Variants in ADGRG2 observed in about 807,000 individuals in gnomAD.
ADGRG2 encodes the protein G protein-coupled receptor 64.
Under a neutral mutation model 74.1 loss-of-function variants are expected in ADGRG2, and 26 were observed. The observed-to-expected ratio is 0.35, with a 90% CI of 0.26 to 0.49. The LOEUF (loss-of-function observed/expected upper bound fraction) is 0.49, where lower values mean the gene tolerates loss of function less well. ADGRG2 is among the 20% of genes least tolerant of loss of function. The pLI is 0.99. For synonymous variants in ADGRG2, 296 were observed against 295.2 expected, an observed-to-expected ratio of 1.00 and a Z score of -0.03; for missense variants, 619 against 763.1, an observed-to-expected ratio of 0.81 and a Z score of 2.22.
chrX:19,094,801 T>C (rs2062068964), intron 1 of ADGRG2, among the ~76,000 whole-genome samples: 1 of 112,409 alleles, frequency 8.9e-6, no homozygotes, highest in Non-Finnish European at 1.9e-5. Flanking sequence ...TACGGTAGGG[T>C]GGAGGGAGCC....
rs184047621 is a variant in ADGRG2, at chrX:19,006,852, G to A, written c.1689+383C>T. Among the ~76,000 whole-genome samples, 13 of 102,301 alleles carry A rather than the reference G, an allele frequency of 1.3e-4. No individual in the cohort carries two copies. In the East Asian group the frequency reaches 3.1e-3, roughly 24 times the overall value. 88.8% of individuals were successfully genotyped at this position (102,301 alleles called of 115,157 possible). On this transcript the variant is annotated intron_variant, in intron 20 of 28. Coordinates refer to ENST00000379869, the MANE Select transcript of ADGRG2 (RefSeq NM_001079858.3). ...TAGCTCACTGCAGCCTTGAGCTCCC[G>A]GGCTCGTGATCCTCCCGCCTCAGCC...
chrX:19,028,249 A>C lies in ADGRG2; in HGVS notation c.359-11T>G. 1.1e-6 allele frequency: 1 copy of C among 889,071 alleles called. No individual in the cohort carries two copies. The allele number at this position is 889,071 out of a possible 1,213,427, so 73.3% of individuals were successfully genotyped here. On this transcript the variant is annotated splice_polypyrimidine_tract_variant and intron_variant, in intron 9 of 28. Transcript: ENST00000379869. ...CACCTCTAAAAAATGCTAAAAATAA[A>C]TTTTCAAAAAGATATTTGAGACTTG... is the stretch of plus-strand genomic sequence containing the variant.
chrX:19,117,013 C>T (rs1205942672), intron 1 of ADGRG2, among the ~76,000 whole-genome samples: 3 of 111,883 alleles, frequency 2.7e-5, no homozygotes, highest in Non-Finnish European at 5.6e-5. Flanking sequence ...AAAATGTGGC[C>T]AGGCGTGATG....
chrX:18,998,008 T>C (rs1368455730), intron 26 of ADGRG2, among the ~76,000 whole-genome samples: 1 of 112,684 alleles, frequency 8.9e-6, no homozygotes, highest in Non-Finnish European at 1.9e-5. Flanking sequence ...ATAACACTGC[T>C]CTAAAAGAAT....
At chrX:19,046,467 T>C (rs975736228) in intron 3 of ADGRG2, among the ~76,000 whole-genome samples, 1 of 112,542 alleles carries the variant, frequency 8.9e-6, no homozygotes, top group South Asian at 3.6e-4. Flanking sequence ...TGCTTGATGC[T>C]TTATTTATTA....
chrX:19,021,179 T>C lies in ADGRG2; in HGVS notation c.568A>G (p.Thr190Ala). 2 of 1,046,574 alleles carry C rather than the reference T, an allele frequency of 1.9e-6. No homozygotes were observed. The highest frequency in any genetic ancestry group is 3.8e-5 in the South Asian group (2 of 52,601). The allele number at this position is 1,046,574 out of a possible 1,213,427, so 86.2% of individuals were successfully genotyped here. A position where few individuals can be genotyped will look rare whatever the true frequency, so the allele number is the denominator to read the frequency against. ...EAQSTLNCTF[T>A]IKLNNTMNAC... The stretch of plus-strand genomic sequence containing the variant: ...TTCATTGTATTATTCAGTTTTATTG[T>C]GAATGTACAATTTAATGTGCTGTAA... Residue 190 changes from threonine to alanine, a missense_variant, in exon 14 of 29, where the codon ACA (threonine) becomes GCA (alanine). Thr to Ala is a moderately conservative substitution (Grantham distance 58). Coordinates refer to ENST00000379869, the MANE Select transcript of ADGRG2 (RefSeq NM_001079858.3).
intron 1 of ADGRG2, among the ~76,000 whole-genome samples, chrX:19,105,480 C>A (rs2062267416): frequency 9.0e-6 from 1 of 110,654 alleles, no homozygotes; most frequent in Non-Finnish European, 1.9e-5. Context: ...AACACAAGAA[C>A]AGAAAACCAA....
At chrX:19,012,132 AC>A (rs2060369088) in intron 16 of ADGRG2, among the ~76,000 whole-genome samples, 1 of 112,526 alleles carries the variant, frequency 8.9e-6, no homozygotes, top group Non-Finnish European at 1.9e-5. Flanking sequence ...CTAATGACTT[AC>A]ATGGTCGCAT....
chrX:19,119,227 A>C (rs1569158159), intron 1 of ADGRG2, among the ~76,000 whole-genome samples: 1 of 112,203 alleles, frequency 8.9e-6, no homozygotes, highest in African/African-American at 3.2e-5. Flanking sequence ...TAGACTGAAG[A>C]ATCCATTAAA....
chrX:19,010,864 C>T, intron 16 of ADGRG2, 86 bp from the exon 17 acceptor site: 2 of 620,296 alleles, frequency 3.2e-6, no homozygotes, highest in Non-Finnish European at 4.9e-6. Context: ...TGTGATATGG[C>T]AAACTCACTC....
At chrX:19,105,566 C>T (rs1805708571) in intron 1 of ADGRG2, among the ~76,000 whole-genome samples, 1 of 109,471 alleles carries the variant, frequency 9.1e-6, no homozygotes, top group Non-Finnish European at 1.9e-5. Context: ...ACATCACACA[C>T]GGGGGCCTGT....
chrX:19,068,578 A>C, intron 3 of ADGRG2, 139 bp downstream of exon 3: 1 of 366,572 alleles, frequency 2.7e-6, no homozygotes, highest in Non-Finnish European at 4.8e-6. Flanking sequence ...ACTTAATGCC[A>C]ATGAACTGTA....
chrX:19,117,843 C>G (rs148068352), intron 1 of ADGRG2, among the ~76,000 whole-genome samples: 1,223 of 109,890 alleles, frequency 0.011, 20 homozygotes, highest in African/African-American at 0.038. Flanking sequence ...AATGAATTGA[C>G]TTAATGCTAC....
intron 9 of ADGRG2, among the ~76,000 whole-genome samples, chrX:19,029,774 C>T (rs2146684065): frequency 9.1e-6 from 1 of 110,007 alleles, no homozygotes; most frequent in Admixed American, 9.7e-5. Context: ...ACATTAGTCA[C>T]CAGCCCAAAA....
At chrX:19,122,306 C>T (rs1475938333) in intron 1 of ADGRG2, 136 bp downstream of exon 1, 1 of 112,316 alleles carries the variant, frequency 8.9e-6, no homozygotes, top group Admixed American at 9.3e-5. Flanking sequence ...AAGGCGCGTT[C>T]GTCCCGCCGG....
At chrX:19,102,248 A>G (rs1293508230) in intron 1 of ADGRG2, among the ~76,000 whole-genome samples, 1 of 110,087 alleles carries the variant, frequency 9.1e-6, no homozygotes, top group Non-Finnish European at 1.9e-5. Flanking sequence ...TGTCTTTCAC[A>G]TCACTCATAG....
intron 18 of ADGRG2, among the ~76,000 whole-genome samples, chrX:19,008,751 T>G (rs774886047): frequency 2.7e-5 from 3 of 111,210 alleles, no homozygotes; most frequent in Non-Finnish European, 3.8e-5. Context: ...AAAGAAATAG[T>G]TGAAAAGTGC....
chrX:19,060,681 A>G (rs1214520929), intron 3 of ADGRG2, among the ~76,000 whole-genome samples: 9 of 109,542 alleles, frequency 8.2e-5, no homozygotes, highest in Non-Finnish European at 1.1e-4. Context: ...CTGAATAGCT[A>G]GGATTACAGG....
intron 2 of ADGRG2, among the ~76,000 whole-genome samples, chrX:19,077,205 AAAC>A (rs1448886570): frequency 9.0e-6 from 1 of 110,932 alleles, no homozygotes; most frequent in Non-Finnish European, 1.9e-5. Context: ...AAAGATTTAA[AAAC>A]AAATGCAGGC....
Sources: allele counts gnomAD v4.1 joint callset (sites outside exome capture counted in the v4.1 genomes callset), GRCh38; gene constraint gnomAD v4.1.1; transcripts MANE v1.5; gene names NCBI Gene and HGNC (gene_info 2026-07-23, HGNC 2026-07-21).